NBPF19: variants seen among roughly 807,000 people sequenced by gnomAD.
NBPF19 encodes the protein NBPF member 19.
NBPF19 carries 30 observed loss-of-function variants against 45.9 expected under a neutral mutation model. The observed-to-expected ratio is 0.65, with a 90% confidence interval of 0.49 to 0.89. The LOEUF (loss-of-function observed/expected upper bound fraction) is 0.89, where lower values mean the gene tolerates loss of function less well. Among genes scored for constraint, NBPF19 ranks in the 40% least tolerant of loss-of-function variants. The pLI is 0.00. For missense variants in NBPF19, 495 were observed against 471.8 expected (o/e 1.05, Z -0.46); for synonymous variants, 183 against 181.2 (o/e 1.01, Z -0.08).
intron 7 of NBPF19, among the ~76,000 whole-genome samples, chr1:149,483,741 C>G (rs1354028841): frequency 9.0e-5 from 6 of 66,332 alleles, no homozygotes; most frequent in African/African-American, 2.5e-4. Context: ...GACAAAATCT[C>G]TCAGCATTTG....
chr1:149,479,870 A>G (rs2085069557), intron 4 of NBPF19, among the ~76,000 whole-genome samples: 1 of 150,968 alleles, frequency 6.6e-6, no homozygotes, highest in South Asian at 2.1e-4. Flanking sequence ...GCCAACGTCC[A>G]GAGAGAGGCT....
chr1:149,487,898 T>C (rs2085704143), intron 9 of NBPF19, 115 bp from the exon 10 acceptor site: 1 of 746,274 alleles, frequency 1.3e-6, no homozygotes, highest in East Asian at 2.6e-5. Flanking sequence ...ACCTCACTAA[T>C]GGATCTCTCC....
In NBPF19 at chr1:149,487,831, C is replaced by T. The variant is rs1278160587; in HGVS notation, c.1041-182C>T. Among the ~76,000 whole-genome samples, 151 of 138,210 alleles carry T rather than the reference C, an allele frequency of 1.1e-3. 6 individuals are homozygous for T. The highest frequency in any genetic ancestry group is 3.7e-3 in the African/African-American group (136 of 36,604). The allele number at this position is 138,210 out of a possible 152,430, so 90.7% of individuals were successfully genotyped here. A position where few individuals can be genotyped will look rare whatever the true frequency, so the allele number is the denominator to read the frequency against. The stretch of plus-strand genomic sequence containing the variant: ...TGTGTGTGTGTGTGTGTGTCTTTCT[C>T]GTTCATCCTTTTCTACCTGGCCCTA... On this transcript the variant is annotated intron_variant, in intron 9 of 93. Transcript: ENST00000651566.
Position 149,554,620 on chromosome 1 carries a change from T to C in NBPF19, c.11414T>C (p.Phe3805Ser), listed in dbSNP as rs1160340596. The change falls in exon 94 of 94, where the codon TTT (phenylalanine) becomes TCT (serine). Residue 3805 changes from phenylalanine (F) to serine (S), a missense_variant. Phe to Ser is a radical substitution (Grantham distance 155). Around this residue, in one of 8 missense-constraint regions of NBPF19, gnomAD observed 248 missense variants for 95.4 expected, o/e 2.60. Transcript: ENST00000651566. ...PDSFQHYRSV[F>S]YSFEEEHISF... ...TCATTCCAGCACTACAGAAGTGTGT[T>C]TTACTCATTTGAGGAAGAGCATATC... 3 of 1,608,232 alleles carry C rather than the reference T, an allele frequency of 1.9e-6. No individual in the cohort carries two copies. The highest frequency in any genetic ancestry group is 2.5e-6 in the Non-Finnish European group (3 of 1,176,780).
At chr1:149,554,282 T>C (rs2087153442) in intron 93 of NBPF19, among the ~76,000 whole-genome samples, 1 of 151,900 alleles carries the variant, frequency 6.6e-6, no homozygotes, top group African/African-American at 2.4e-5. Flanking sequence ...TGTCTCTGTC[T>C]CTGTCTCTCT....
intron 9 of NBPF19, 138 bp downstream of exon 9, chr1:149,487,521 TG>T (rs2085620396): frequency 1.0e-6 from 1 of 1,000,658 alleles, no homozygotes; most frequent in Non-Finnish European, 1.6e-6. Flanking sequence ...ATTGCTTTTT[TG>T]TTCTCATTAG....
In NBPF19 at chr1:149,477,992, C is replaced by A. The variant is rs1233186591; in HGVS notation, c.223C>A (p.Arg75=). Residue 75 remains arginine (R), a synonymous_variant, in exon 3 of 94, where the codon CGA becomes AGA. Coordinates refer to ENST00000651566, the MANE Select transcript of NBPF19 (RefSeq NM_001351365.2). ...CATAAAATTTATGCTGAGGAATGAG[C>A]GACAGTTCAAGGAGGAGAAGCTTGC... is the stretch of plus-strand genomic sequence containing the variant. ...DLIKFMLRNE[R]QFKEEKLAEQ... is the part of the protein sequence containing the mutation. The A allele has an allele frequency of 6.7e-7, 1 of 1,498,724 alleles. No individual in the cohort carries two copies. The highest frequency in any genetic ancestry group is 1.7e-5 in the Admixed American group (1 of 59,694). The allele number at this position is 1,498,724 out of a possible 1,614,324, so 92.8% of individuals were successfully genotyped here. A position where few individuals can be genotyped will look rare whatever the true frequency, so the allele number is the denominator to read the frequency against.
In NBPF19 at chr1:149,555,009, G is replaced by T. The variant is rs1200945286; in HGVS notation, c.*271G>T. 2.4e-5 allele frequency: 14 copies of T among 574,400 alleles called. No homozygotes were observed. The East Asian group carries it at 2.5e-4, about 10-fold the overall frequency. The allele number at this position is 574,400 out of a possible 1,614,324, so 35.6% of individuals were successfully genotyped here. A position where few individuals can be genotyped will look rare whatever the true frequency, so the allele number is the denominator to read the frequency against. On this transcript the variant is annotated 3_prime_UTR_variant, in exon 94 of 94. Transcript: ENST00000651566. Reference sequence around the variant, plus strand: ...TTTTAATTTGAACCACGTATCTTTGGGTAGCTACAAAATTCCTCAGGGATT... The same window carrying T: ...TTTTAATTTGAACCACGTATCTTTGTGTAGCTACAAAATTCCTCAGGGATT...
intron 73 of NBPF19, among the ~76,000 whole-genome samples, chr1:149,538,360 T>C (rs1202520835): frequency 1.6e-4 from 1 of 6,316 alleles, no homozygotes; most frequent in Non-Finnish European, 4.1e-4. Context: ...CTGAGGGCAC[T>C]AACTCAGAGT....
Position 149,487,775 on chromosome 1 carries a change from CTGTGTGTGTGTGTGTG to C in NBPF19, c.1041-204_1041-189del, listed in dbSNP as rs1219803937. On this transcript the variant is annotated intron_variant, in intron 9 of 93. Transcript: ENST00000651566. ...ACCTGACCAATTGACTGAGCTCGCTCTGTGTGTGTGTGTGTGTGTGTGTGTGTGTGTGTGTGTGTGT... is the reference window on the plus strand; with the variant it reads ...ACCTGACCAATTGACTGAGCTCGCTCTGTGTGTGTGTGTGTGTGTGTGTGT... Among the ~76,000 whole-genome samples the C allele has an allele frequency of 3.4e-3, 443 of 128,748 alleles. 2 individuals are homozygous for C. The highest frequency in any genetic ancestry group is 9.7e-3 in the African/African-American group (326 of 33,740). 84.5% of individuals were successfully genotyped at this position (128,748 alleles called of 152,430 possible). A position where few individuals can be genotyped will look rare whatever the true frequency, so the allele number is the denominator to read the frequency against.
intron 93 of NBPF19, 110 bp from the exon 94 acceptor site, chr1:149,554,385 C>T: frequency 6.3e-7 from 1 of 1,597,610 alleles, no homozygotes; most frequent in Non-Finnish European, 8.5e-7. Context: ...ATTAATGGAT[C>T]TATCCTTTTT....
Position 149,554,726 on chromosome 1 carries a change from A to T in NBPF19, c.11520A>T (p.Ile3840=), listed in dbSNP as rs2087203773. ...ATCTGGTGTTCCAGATGTTAGTCATATTCCCACAATAGGCAGCCCTTACTA... is the reference window on the plus strand; with the variant it reads ...ATCTGGTGTTCCAGATGTTAGTCATTTTCCCACAATAGGCAGCCCTTACTA... ...SLHLVFQMLV[I]FPQ The change falls in exon 94 of 94, where the codon ATA becomes ATT. Residue 3840 remains isoleucine, a synonymous_variant. Coordinates refer to ENST00000651566, the MANE Select transcript of NBPF19 (RefSeq NM_001351365.2). 3.7e-6 allele frequency: 6 copies of T among 1,608,142 alleles called. No homozygotes were observed. In the South Asian group the frequency reaches 6.6e-5, roughly 18 times the overall value.
rs1357236280 is a variant in NBPF19, at chr1:149,479,878, G to A, written c.494-264G>A. On this transcript the variant is annotated intron_variant, in intron 4 of 93. Transcript: ENST00000651566. ...GACAGCTGCCAACGTCCAGAGAGAG[G>A]CTGCACAAGCCTCCAGTGATATGGG... 5.9e-3 allele frequency among the ~76,000 whole-genome samples: 883 copies of A among 150,848 alleles called. 15 individuals carry two copies. Among genetic ancestry groups the A allele is most frequent in the Non-Finnish European group, 9.8e-3 (662 of 67,472 alleles).
chr1:149,487,965 G>A (rs1397154982), intron 9 of NBPF19, 48 bp from the exon 10 acceptor site: 12 of 695,920 alleles, frequency 1.7e-5, no homozygotes, highest in East Asian at 1.4e-4. Flanking sequence ...GGGCTGTGTG[G>A]TTTCTGATTC....
chr1:149,528,954 T>TGC (rs2086915469), intron 61 of NBPF19, among the ~76,000 whole-genome samples: 1 of 129,608 alleles, frequency 7.7e-6, no homozygotes, highest in African/African-American at 3.1e-5. Flanking sequence ...TCTGTGTGTG[T>TGC]GTGTGTGTGT....
chr1:149,554,358 A>C, intron 93 of NBPF19, 137 bp from the exon 94 acceptor site: 1 of 1,337,626 alleles, frequency 7.5e-7, no homozygotes, highest in Non-Finnish European at 1.0e-6. Context: ...AAGGCAATAA[A>C]TTTTTTTTTT....
rs1416642750 is a variant in NBPF19, at chr1:149,488,077, T to C, written c.1105T>C (p.Tyr369His). The C allele has an allele frequency of 4.5e-5, 30 of 669,774 alleles. 1 individual carries two copies. The Admixed American group carries it at 6.8e-4, about 15-fold the overall frequency. 41.5% of individuals were successfully genotyped at this position (669,774 alleles called of 1,614,324 possible). A position where few individuals can be genotyped will look rare whatever the true frequency, so the allele number is the denominator to read the frequency against. The change falls in exon 10 of 94, where the codon TAT becomes CAT. Residue 369 changes from tyrosine to histidine, a missense_variant. Around this residue, in one of 8 missense-constraint regions of NBPF19, gnomAD observed 146 missense variants for 67.3 expected, o/e 2.17. Transcript: ENST00000651566. ...EVLQDSLDRC[Y>H]STPSGCLELT... The stretch of plus-strand genomic sequence containing the variant: ...CTTGCAGGACTCACTGGATAGATGT[T>C]ATTCAACTCCTTCAGGTTGTCTTGA...
At chr1:149,554,441 T>G in intron 93 of NBPF19, 54 bp from the exon 94 acceptor site, 1 of 1,608,126 alleles carries the variant, frequency 6.2e-7, no homozygotes, top group South Asian at 1.1e-5. Context: ...CTAGTGGGGC[T>G]CTGTGGTGTC....
intron 61 of NBPF19, among the ~76,000 whole-genome samples, 173 bp downstream of exon 61, chr1:149,528,720 T>C (rs2086882245): frequency 8.7e-6 from 1 of 115,068 alleles, no homozygotes; most frequent in South Asian, 3.4e-4. Context: ...TTCCATTTCT[T>C]CCTCCCCTTA....
Sources: allele counts gnomAD v4.1 joint callset (sites outside exome capture counted in the v4.1 genomes callset), GRCh38; gene constraint gnomAD v4.1.1; regional missense constraint gnomAD v4.1.1; transcripts MANE v1.5; gene names NCBI Gene and HGNC (gene_info 2026-07-23, HGNC 2026-07-21).